The following PTPRZ1 variants were observed in gnomAD, a reference collection of about 807,000 sequenced individuals.
PTPRZ1 encodes receptor-type tyrosine-protein phosphatase zeta.
PTPRZ1 carries 82 observed loss-of-function variants against 214.1 expected under a neutral mutation model. The observed-to-expected ratio is 0.38, with a 90% CI of 0.32 to 0.46. The LOEUF is 0.46. Ranked by LOEUF, PTPRZ1 falls within the 20% of genes least tolerant of loss-of-function variation. The pLI is 1.00. For synonymous variants in PTPRZ1, 945 were observed against 987.9 expected (o/e 0.96, Z 0.81); for missense variants, 2,603 against 2,748.7 (o/e 0.95, Z 1.19).
chr7:121,984,352 A>C (rs1181807034), intron 8 of PTPRZ1, among the ~76,000 whole-genome samples: 1 of 152,184 alleles, frequency 6.6e-6, no homozygotes, highest in East Asian at 1.9e-4. Flanking sequence ...GATGAGAAAA[A>C]CTGAGATTTA....
chr7:122,004,168 G>A (rs188802182), intron 10 of PTPRZ1, among the ~76,000 whole-genome samples: 38 of 152,112 alleles, frequency 2.5e-4, no homozygotes, highest in Admixed American at 1.6e-3. Flanking sequence ...TGCTAAATAA[G>A]AAAATAAATT....
intron 2 of PTPRZ1, among the ~76,000 whole-genome samples, chr7:121,964,726 A>C (rs902694953): frequency 6.6e-6 from 1 of 152,204 alleles, no homozygotes; most frequent in African/African-American, 2.4e-5. Context: ...TATACTATTT[A>C]ACAGGGTGGT....
At position 122,028,656 on chromosome 7, in the gene PTPRZ1, A is replaced by G; in HGVS notation, c.5080+13A>G. The G allele has an allele frequency of 1.3e-6, 2 of 1,511,450 alleles. No individual in the cohort carries two copies. The highest frequency in any genetic ancestry group is 1.8e-6 in the Non-Finnish European group (2 of 1,087,798). The allele number at this position is 1,511,450 out of a possible 1,614,324, so 93.6% of individuals were successfully genotyped here. A position where few individuals can be genotyped will look rare whatever the true frequency, so the allele number is the denominator to read the frequency against. On this transcript the variant is annotated intron_variant, in intron 14 of 29. Coordinates refer to ENST00000393386, the MANE Select transcript of PTPRZ1 (RefSeq NM_002851.3). Reference sequence around the variant, plus strand: ...TTTCCAATTTCAGGTAATGGCTTAAAGTGTGACCATGAGTAGCTGGTAGAT... The same window carrying G: ...TTTCCAATTTCAGGTAATGGCTTAAGGTGTGACCATGAGTAGCTGGTAGAT...
Position 121,968,108 on chromosome 7 carries a change from C to A in PTPRZ1, c.282C>A (p.Phe94Leu). The stretch of plus-strand genomic sequence containing the variant: ...ATAAAACATCATTGGAAAACACATT[C>A]ATTCATAACACTGGGAAAACAGGTA... Reference protein sequence around the residue: ...GWDKTSLENTFIHNTGKTVEI... With the variant: ...GWDKTSLENTLIHNTGKTVEI... Residue 94 changes from phenylalanine (F) to leucine (L), a missense_variant, in exon 3 of 30, where the codon TTC (phenylalanine) becomes TTA (leucine). Physicochemically the swap from Phe to Leu is conservative, Grantham distance 22. This residue lies in a region of PTPRZ1 where 141 missense variants were observed against 143.7 expected (regional missense o/e 0.98). Coordinates refer to ENST00000393386, the MANE Select transcript of PTPRZ1 (RefSeq NM_002851.3). The A allele has an allele frequency of 1.2e-6, 2 of 1,600,296 alleles. No homozygotes were observed. The highest frequency in any genetic ancestry group is 2.3e-5 in the South Asian group (2 of 87,148).
At chr7:121,976,873 C>A in intron 6 of PTPRZ1, 22 bp downstream of exon 6, 2 of 1,596,676 alleles carry the variant, frequency 1.3e-6, no homozygotes, top group Non-Finnish European at 1.7e-6. Flanking sequence ...GGGGAACTAT[C>A]TTTCTTCAGG....
At chr7:121,980,205 C>A (rs1191569353) in intron 6 of PTPRZ1, among the ~76,000 whole-genome samples, 1 of 152,064 alleles carries the variant, frequency 6.6e-6, no homozygotes, top group Admixed American at 6.6e-5. Flanking sequence ...AACTTAGCAG[C>A]GAGTCAATTT....
intron 2 of PTPRZ1, among the ~76,000 whole-genome samples, chr7:121,942,016 T>C (rs543834037): frequency 1.3e-5 from 2 of 152,320 alleles, no homozygotes; most frequent in South Asian, 2.1e-4. Context: ...TTTGCATTCG[T>C]TTCACAATCT....
intron 2 of PTPRZ1, among the ~76,000 whole-genome samples, chr7:121,964,931 G>C (rs1796998999): frequency 6.6e-6 from 1 of 152,166 alleles, no homozygotes; most frequent in Non-Finnish European, 1.5e-5. Flanking sequence ...CAGAATGGTA[G>C]AGAACCGGAG....
chr7:122,035,685 A>C (rs1799514952), intron 17 of PTPRZ1, among the ~76,000 whole-genome samples: 1 of 152,172 alleles, frequency 6.6e-6, no homozygotes, highest in Admixed American at 6.5e-5. Context: ...TTGCACATAC[A>C]TTCCTGTATC....
chr7:121,885,766 C>G (rs1176862469), intron 1 of PTPRZ1, among the ~76,000 whole-genome samples: 1 of 152,150 alleles, frequency 6.6e-6, no homozygotes, highest in Admixed American at 6.5e-5. Context: ...AAGACATCCT[C>G]TTTTACTTCA....
chr7:122,055,002 A>C lies in PTPRZ1; in HGVS notation c.6443A>C (p.Lys2148Thr). The C allele has an allele frequency of 6.2e-7, 1 of 1,608,612 alleles. No homozygotes were observed. Among genetic ancestry groups the C allele is most frequent in the Non-Finnish European group, 8.5e-7 (1 of 1,176,190 alleles). The change falls in exon 27 of 30, where the codon AAG becomes ACG. Residue 2148 changes from lysine (K) to threonine (T), a missense_variant. Physicochemically the swap from Lys to Thr is moderately conservative, Grantham distance 78. Around this residue, in one of 6 missense-constraint regions of PTPRZ1, gnomAD observed 134 missense variants for 183.3 expected, o/e 0.73. Coordinates refer to ENST00000393386, the MANE Select transcript of PTPRZ1 (RefSeq NM_002851.3). Reference protein sequence around the residue: ...KDEPINCESFKVTLMAEEHKC... With the variant: ...KDEPINCESFTVTLMAEEHKC... ...GAGCCTATAAATTGTGAGAGCTTTAAGGTCACTCTTATGGCTGAAGAACAC... is the reference window on the plus strand; with the variant it reads ...GAGCCTATAAATTGTGAGAGCTTTACGGTCACTCTTATGGCTGAAGAACAC...
chr7:121,988,621 G>T (rs10225212), intron 8 of PTPRZ1, among the ~76,000 whole-genome samples: 16,385 of 152,132 alleles, frequency 0.11, 927 homozygotes, highest in East Asian at 0.17. Flanking sequence ...ATTGATCTCA[G>T]TGTTACCTGT....
chr7:121,921,871 G>A (rs1795607642), intron 1 of PTPRZ1, among the ~76,000 whole-genome samples: 1 of 152,104 alleles, frequency 6.6e-6, no homozygotes, highest in East Asian at 1.9e-4. Flanking sequence ...TAGTATTATA[G>A]CCTAAACAAA....
chr7:122,005,441 G>A (rs1021782211), intron 11 of PTPRZ1, among the ~76,000 whole-genome samples: 9 of 151,874 alleles, frequency 5.9e-5, no homozygotes, highest in African/African-American at 2.2e-4. Context: ...AACTAGTGCT[G>A]TTATCTAGCA....
At chr7:121,998,127 A>T in intron 10 of PTPRZ1, 121 bp downstream of exon 10, 1 of 1,184,110 alleles carries the variant, frequency 8.4e-7, no homozygotes, top group Non-Finnish European at 1.2e-6. Flanking sequence ...TTTTCTCTTA[A>T]GTCTGGATTG....
chr7:121,985,374 A>C (rs1297690255), intron 8 of PTPRZ1, among the ~76,000 whole-genome samples: 1 of 152,144 alleles, frequency 6.6e-6, no homozygotes, highest in Non-Finnish European at 1.5e-5. Flanking sequence ...AGTTTTATCA[A>C]TTCTGTTTTA....
intron 29 of PTPRZ1, 44 bp downstream of exon 29, chr7:122,059,932 C>T: frequency 6.3e-7 from 1 of 1,580,442 alleles, no homozygotes; most frequent in Non-Finnish European, 8.6e-7. Flanking sequence ...TGATAGAGTA[C>T]AACTAACTTC....
chr7:121,881,146 A>G (rs1217840695), intron 1 of PTPRZ1, among the ~76,000 whole-genome samples: 1 of 152,160 alleles, frequency 6.6e-6, no homozygotes, highest in Admixed American at 6.5e-5. Context: ...TAGTGTCTGT[A>G]TAAGAAGAGA....
Position 122,013,651 on chromosome 7 carries a change from T to C in PTPRZ1, c.4605T>C (p.Pro1535=). 1 of 1,614,196 alleles carries C rather than the reference T, an allele frequency of 6.2e-7. No individual in the cohort carries two copies. Among genetic ancestry groups the C allele is most frequent in the Non-Finnish European group, 8.5e-7 (1 of 1,180,030 alleles). The change falls in exon 12 of 30, where the codon CCT becomes CCC. Residue 1535 remains proline (P), a synonymous_variant. Transcript: ENST00000393386. The stretch of plus-strand genomic sequence containing the variant: ...GTAGTGCTCTGCTTCCTCTCAGCCC[T>C]GAATCTAAAGCATGGGCAGTTCTGA... ...QTGSALLPLS[P]ESKAWAVLTS...
Sources: gnomAD v4.1 joint callset for allele counts (sites outside exome capture counted in the v4.1 genomes callset) on GRCh38, gnomAD v4.1.1 for gene constraint, gnomAD v4.1.1 regional missense constraint, MANE v1.5 for transcripts, NCBI Gene and HGNC (gene_info 2026-07-23, HGNC 2026-07-21) for gene names.